The following ZBED6 variants were observed in gnomAD, a reference collection of about 807,000 sequenced individuals.
ZBED6 encodes zinc finger BED-type containing 6.
In ZBED6, 40 loss-of-function variants were observed where a neutral mutation model predicts 58.4. That is an observed-to-expected ratio of 0.68 (90% CI 0.53 to 0.89). The LOEUF (loss-of-function observed/expected upper bound fraction) is 0.89, where lower values mean the gene tolerates loss of function less well. Among genes scored for constraint, ZBED6 ranks in the 40% least tolerant of loss-of-function variants. The pLI is 0.00. For missense variants in ZBED6, 1,057 were observed against 1,003.9 expected, an observed-to-expected ratio of 1.05 and a Z score of -0.71; for synonymous variants, 439 against 350.6, an observed-to-expected ratio of 1.25 and a Z score of -2.82.
exon 1 of ZBED6, chr1:203,798,402 C>G: frequency 6.5e-7 from 1 of 1,533,602 alleles, no homozygotes; most frequent in Non-Finnish European, 8.7e-7. Context: ...AAGTGTGAGC[C>G]GGGGTAGGCC....
intron 13 of ZBED6, among the ~76,000 whole-genome samples, chr1:203,849,161 A>G (rs1343071599): frequency 6.6e-6 from 1 of 152,180 alleles, no homozygotes; most frequent in Non-Finnish European, 1.5e-5. Flanking sequence ...TTGGGATTAC[A>G]TGTGTGAGCC....
intron 1 of ZBED6, among the ~76,000 whole-genome samples, chr1:203,811,552 A>G (rs1398394580): frequency 1.3e-5 from 2 of 152,068 alleles, no homozygotes; most frequent in African/African-American, 4.8e-5. Context: ...TCTGTTGCCT[A>G]GTCTGGAGTG....
chr1:203,832,120 ATG>A (rs1191454976), intron 8 of ZBED6, among the ~76,000 whole-genome samples: 1 of 152,122 alleles, frequency 6.6e-6, no homozygotes, highest in African/African-American at 2.4e-5. Context: ...GTGCAATGGC[ATG>A]ATCTCAGCTC....
chr1:203,837,941 T>TA, intron 9 of ZBED6, 25 bp from the exon 10 acceptor site: 1 of 1,598,362 alleles, frequency 6.3e-7, no homozygotes, highest in Non-Finnish European at 8.5e-7. Context: ...CTTGAAATCT[T>TA]AAACTAAGTT....
At chr1:203,817,185 AT>A in intron 2 of ZBED6, 61 bp downstream of exon 2, 1 of 1,396,120 alleles carries the variant, frequency 7.2e-7, no homozygotes, top group East Asian at 2.4e-5. Context: ...ATTGGATAAG[AT>A]TTTCCCAACA....
intron 14 of ZBED6, 40 bp from the exon 15 acceptor site, chr1:203,850,465 TTAAAAGAGTC>T: frequency 6.2e-7 from 1 of 1,602,606 alleles, no homozygotes; most frequent in Non-Finnish European, 8.5e-7. Context: ...TATTCCCCAT[TTAAAAGAGTC>T]TATTCTCACT....
intron 7 of ZBED6, among the ~76,000 whole-genome samples, chr1:203,830,429 G>A (rs1681871269): frequency 6.6e-6 from 1 of 152,188 alleles, no homozygotes; most frequent in African/African-American, 2.4e-5. Context: ...GAAAGAACTT[G>A]TATATCTTGA....
At chr1:203,827,455 C>T (rs563412742) in intron 3 of ZBED6, among the ~76,000 whole-genome samples, 4 of 149,930 alleles carry the variant, frequency 2.7e-5, no homozygotes, top group South Asian at 2.1e-4. Flanking sequence ...CTGAGGCGGG[C>T]GGATCACGAG....
At chr1:203,840,582 C>T (rs1685781991) in intron 11 of ZBED6, among the ~76,000 whole-genome samples, 1 of 151,134 alleles carries the variant, frequency 6.6e-6, no homozygotes, top group African/African-American at 2.4e-5. Context: ...AATGATTGTT[C>T]ATCATAGCAT....
intron 13 of ZBED6, among the ~76,000 whole-genome samples, chr1:203,848,629 T>G (rs1360204039): frequency 6.6e-6 from 1 of 152,232 alleles, no homozygotes; most frequent in African/African-American, 2.4e-5. Flanking sequence ...GGCTCACGCC[T>G]GTAATCCCAG....
intron 7 of ZBED6, among the ~76,000 whole-genome samples, chr1:203,830,662 A>G (rs1253108529): frequency 6.6e-6 from 1 of 152,078 alleles, no homozygotes; most frequent in East Asian, 1.9e-4. Flanking sequence ...ACAAAAAATT[A>G]GCCAGGCGGG....
At chr1:203,802,436 G>A (rs1670806776) in exon 1 of ZBED6, 1 of 152,370 alleles carries the variant, frequency 6.6e-6, no homozygotes, top group South Asian at 2.1e-4. Flanking sequence ...GTGTATATGT[G>A]TGTGTGTATA....
intron 4 of ZBED6, 145 bp from the exon 5 acceptor site, chr1:203,829,306 C>A: frequency 1.3e-6 from 1 of 782,494 alleles, no homozygotes; most frequent in Non-Finnish European, 2.0e-6. Flanking sequence ...TTTTCCCTCC[C>A]TGGGACTTTA....
chr1:203,842,941 C>G (rs540886261), intron 11 of ZBED6, among the ~76,000 whole-genome samples: 86 of 148,670 alleles, frequency 5.8e-4, no homozygotes, highest in Non-Finnish European at 5.0e-4. Flanking sequence ...TTTTTAATAC[C>G]TTGCTGAATT....
At chr1:203,809,465 C>T (rs1007379569) in intron 1 of ZBED6, among the ~76,000 whole-genome samples, 8 of 152,112 alleles carry the variant, frequency 5.3e-5, no homozygotes, top group Non-Finnish European at 7.4e-5. Context: ...CCTGAGCCAC[C>T]GCACCCAGCC....
At chr1:203,836,410 T>C (rs2365980) in intron 9 of ZBED6, among the ~76,000 whole-genome samples, 92,623 of 151,918 alleles carry the variant, frequency 0.61, 28,691 homozygotes, top group Admixed American at 0.7. Flanking sequence ...TAAAAAACCG[T>C]TTTTAAAAAC....
At chr1:203,798,418 C>G in exon 1 of ZBED6, 1 of 1,534,166 alleles carries the variant, frequency 6.5e-7, no homozygotes, top group Non-Finnish European at 8.7e-7. Flanking sequence ...AGGCCAGGGT[C>G]CCACTTAGGG....
chr1:203,798,779 G>A, exon 1 of ZBED6: 1 of 1,536,124 alleles, frequency 6.5e-7, no homozygotes, highest in Non-Finnish European at 8.7e-7. Flanking sequence ...AAATGATTGT[G>A]GAGGATATGC....
intron 1 of ZBED6, among the ~76,000 whole-genome samples, chr1:203,809,428 G>T (rs1452863919): frequency 6.6e-6 from 1 of 151,490 alleles, no homozygotes; most frequent in Admixed American, 6.6e-5. Context: ...GCCCATCTCC[G>T]AAATCCCAGG....
Sources: gnomAD v4.1 joint callset for allele counts (sites outside exome capture counted in the v4.1 genomes callset) on GRCh38, gnomAD v4.1.1 for gene constraint, MANE v1.5 for transcripts, NCBI Gene and HGNC (gene_info 2026-07-23, HGNC 2026-07-21) for gene names.